The following KLHL29 variants were observed in gnomAD, a reference collection of about 807,000 sequenced individuals.
KLHL29 encodes the protein kelch-like protein 29.
Under a neutral mutation model 80.4 loss-of-function variants are expected in KLHL29, and 21 were observed. The ratio of observed to expected loss-of-function variants is 0.26; its 90% CI spans 0.19 to 0.38. The LOEUF (loss-of-function observed/expected upper bound fraction) is 0.38. Ranked by LOEUF, KLHL29 falls within the 10% of genes least tolerant of loss-of-function variation. The pLI, the probability that KLHL29 is intolerant of heterozygous loss-of-function variation, is 1.00. For synonymous variants in KLHL29, 511 were observed against 526.8 expected (o/e 0.97, Z 0.41); for missense variants, 867 against 1,223.9 (o/e 0.71, Z 4.35).
chr2:23,548,374 GAC>G (rs774812499), intron 2 of KLHL29, among the ~76,000 whole-genome samples: 6 of 150,772 alleles, frequency 4.0e-5, no homozygotes, highest in Non-Finnish European at 7.4e-5. Context: ...GGCACACACA[GAC>G]ACACAGACAC....
chr2:23,676,327 C>A (rs946349268), intron 5 of KLHL29, among the ~76,000 whole-genome samples: 2 of 152,180 alleles, frequency 1.3e-5, no homozygotes, highest in Admixed American at 6.5e-5. Context: ...GGACTACAGG[C>A]GTCTGCTACC....
chr2:23,501,398 G>A (rs1665432005), intron 2 of KLHL29, among the ~76,000 whole-genome samples: 1 of 152,118 alleles, frequency 6.6e-6, no homozygotes, highest in Non-Finnish European at 1.5e-5. Flanking sequence ...CACGTTCCCT[G>A]AGGGTGGGAG....
intron 3 of KLHL29, among the ~76,000 whole-genome samples, chr2:23,602,603 C>T (rs982856591): frequency 1.4e-5 from 2 of 146,374 alleles, no homozygotes; most frequent in Non-Finnish European, 3.0e-5. Flanking sequence ...CAGGCAGCTG[C>T]TCTACGTGAA....
intron 1 of KLHL29, among the ~76,000 whole-genome samples, chr2:23,444,427 C>T (rs541081514): frequency 6.6e-6 from 1 of 152,154 alleles, no homozygotes. Context: ...CGGGTTCAAG[C>T]GATTCTCCTG....
intron 5 of KLHL29, among the ~76,000 whole-genome samples, chr2:23,676,217 C>G (rs760103172): frequency 6.6e-6 from 1 of 151,880 alleles, no homozygotes; most frequent in Non-Finnish European, 1.5e-5. Context: ...AGAGTCTGCT[C>G]TGTCGCCTGG....
intron 5 of KLHL29, among the ~76,000 whole-genome samples, chr2:23,654,992 T>A (rs1347737921): frequency 1.3e-5 from 2 of 152,194 alleles, no homozygotes; most frequent in Admixed American, 6.5e-5. Flanking sequence ...CAAGTGGCTG[T>A]TTCGTGTCTC....
At chr2:23,440,258 G>A (rs182498237) in intron 1 of KLHL29, among the ~76,000 whole-genome samples, 62,159 of 151,652 alleles carry the variant, frequency 0.41, 13,292 homozygotes, top group African/African-American at 0.54. Context: ...ATGGTGCTGG[G>A]AAAACTGGCT....
intron 2 of KLHL29, among the ~76,000 whole-genome samples, chr2:23,487,515 G>A (rs1317096806): frequency 6.6e-6 from 1 of 152,138 alleles, no homozygotes; most frequent in Non-Finnish European, 1.5e-5. Flanking sequence ...GCATGGGTTG[G>A]TCATTAGGAC....
At chr2:23,567,311 T>C (rs1306682710) in intron 3 of KLHL29, among the ~76,000 whole-genome samples, 6 of 152,234 alleles carry the variant, frequency 3.9e-5, no homozygotes, top group African/African-American at 1.4e-4. Context: ...GAGCTTTTTT[T>C]CCTAGTGGTC....
intron 2 of KLHL29, among the ~76,000 whole-genome samples, chr2:23,484,182 C>T (rs2103444003): frequency 6.6e-6 from 1 of 152,350 alleles, no homozygotes; most frequent in Non-Finnish European, 1.5e-5. Context: ...GACCCCTCCA[C>T]TTGCTCCTAG....
At chr2:23,502,307 C>T (rs749834541) in intron 2 of KLHL29, among the ~76,000 whole-genome samples, 2 of 152,264 alleles carry the variant, frequency 1.3e-5, no homozygotes, top group Admixed American at 6.5e-5. Flanking sequence ...GCCTACTCAT[C>T]GGTCTGCATA....
At chr2:23,420,569 G>C (rs577884071) in intron 1 of KLHL29, among the ~76,000 whole-genome samples, 1 of 152,278 alleles carries the variant, frequency 6.6e-6, no homozygotes, top group African/African-American at 2.4e-5. Flanking sequence ...TTTTCTTCCT[G>C]ATGTCAACTG....
chr2:23,600,301 G>A (rs1446319530), intron 3 of KLHL29, among the ~76,000 whole-genome samples: 3 of 152,148 alleles, frequency 2.0e-5, no homozygotes, highest in Non-Finnish European at 4.4e-5. Context: ...TGGACAACAT[G>A]GTATCCTTTC....
At chr2:23,690,855 T>G (rs1426961026) in intron 6 of KLHL29, 3 of 152,236 alleles carry the variant, frequency 2.0e-5, no homozygotes, top group South Asian at 2.1e-4. Context: ...ATAAACAGAT[T>G]TATATATTTG....
intron 3 of KLHL29, among the ~76,000 whole-genome samples, chr2:23,579,008 AG>A (rs1667914591): frequency 1.3e-5 from 2 of 152,190 alleles, no homozygotes; most frequent in Non-Finnish European, 2.9e-5. Flanking sequence ...GATGTTCTCA[AG>A]CCCAGAACCC....
intron 2 of KLHL29, among the ~76,000 whole-genome samples, chr2:23,483,558 T>A (rs938154275): frequency 3.3e-5 from 5 of 152,256 alleles, no homozygotes; most frequent in Middle Eastern, 3.4e-3. Context: ...CCTTGGCAAC[T>A]CCCACTCCAA....
At chr2:23,476,724 A>G (rs1041203109) in intron 2 of KLHL29, among the ~76,000 whole-genome samples, 3 of 152,244 alleles carry the variant, frequency 2.0e-5, no homozygotes, top group African/African-American at 7.2e-5. Context: ...CTGCATAGTC[A>G]TTTGATTACT....
intron 2 of KLHL29, among the ~76,000 whole-genome samples, chr2:23,498,125 T>C (rs1665323991): frequency 6.6e-6 from 1 of 152,194 alleles, no homozygotes; most frequent in Admixed American, 6.5e-5. Context: ...CTTAGCAAAC[T>C]TCCAGCATAC....
intron 1 of KLHL29, among the ~76,000 whole-genome samples, chr2:23,461,808 G>A (rs1664217127): frequency 6.6e-6 from 1 of 151,942 alleles, no homozygotes; most frequent in Non-Finnish European, 1.5e-5. Flanking sequence ...GTTAGCCAGC[G>A]ATGATCCTGC....
Sources: allele counts gnomAD v4.1 joint callset (sites outside exome capture counted in the v4.1 genomes callset), GRCh38; gene constraint gnomAD v4.1.1; transcripts MANE v1.5; gene names NCBI Gene and HGNC (gene_info 2026-07-23, HGNC 2026-07-21).